Variants in EIF2B3 observed in about 807,000 individuals in gnomAD.
EIF2B3 encodes translation initiation factor eIF2B subunit gamma.
In EIF2B3, 20 loss-of-function variants were observed where a neutral mutation model predicts 54.1. The observed-to-expected ratio is 0.37, with a 90% confidence interval of 0.26 to 0.54. The LOEUF (loss-of-function observed/expected upper bound fraction) is 0.54. EIF2B3 is among the 20% of genes least tolerant of loss of function. The pLI is 0.86. For synonymous variants in EIF2B3, 153 were observed against 188.1 expected, an observed-to-expected ratio of 0.81 and a Z score of 1.52; for missense variants, 448 against 547.8, an observed-to-expected ratio of 0.82 and a Z score of 1.82.
intron 10 of EIF2B3, among the ~76,000 whole-genome samples, chr1:44,872,732 C>T (rs191094397): frequency 2.4e-3 from 364 of 152,258 alleles, no homozygotes; most frequent in Non-Finnish European, 4.2e-3. Context: ...AGATTCAGCT[C>T]AAGGGTCATT....
At chr1:44,861,290 T>A (rs1211993621) in intron 10 of EIF2B3, among the ~76,000 whole-genome samples, 1 of 152,194 alleles carries the variant, frequency 6.6e-6, no homozygotes, top group East Asian at 1.9e-4. Context: ...ATAGAAAGCT[T>A]TAGATACAGA....
chr1:44,888,700 T>C (rs985427653), intron 6 of EIF2B3, among the ~76,000 whole-genome samples: 1 of 152,168 alleles, frequency 6.6e-6, no homozygotes, highest in South Asian at 2.1e-4. Context: ...CATAAACTGC[T>C]CAAGACGGCC....
chr1:44,956,371 G>C (rs1644225079), intron 3 of EIF2B3, among the ~76,000 whole-genome samples: 3 of 152,002 alleles, frequency 2.0e-5, no homozygotes, highest in Admixed American at 2.0e-4. Flanking sequence ...TCGGGGGGTG[G>C]GGGGACTAGG....
intron 10 of EIF2B3, among the ~76,000 whole-genome samples, chr1:44,874,213 CTA>C (rs1224564152): frequency 6.6e-6 from 1 of 152,070 alleles, no homozygotes; most frequent in Non-Finnish European, 1.5e-5. Flanking sequence ...GTTGTTTTTT[CTA>C]TGTTATCCCC....
intron 3 of EIF2B3, among the ~76,000 whole-genome samples, chr1:44,954,713 A>C (rs557538759): frequency 6.5e-4 from 99 of 152,184 alleles, no homozygotes; most frequent in Non-Finnish European, 1.3e-3. Flanking sequence ...GAATACCTTT[A>C]TTTCTTTCTC....
rs182012510 is a variant in EIF2B3 at position 44,899,995 on chromosome 1, T to C, written c.567-2551A>G. 3.8e-3 allele frequency among the ~76,000 whole-genome samples: 572 copies of C among 152,314 alleles called. 4 individuals are homozygous for C. The highest frequency in any genetic ancestry group is 0.013 in the African/African-American group (541 of 41,568). On this transcript the variant is annotated intron_variant, in intron 5 of 11. Transcript: ENST00000360403. ...GTGCAATATATATCATGAAATACTA[T>C]GCAGCTATAAAAAAGAACAAAATCA...
At chr1:44,895,528 CTATA>C (rs962144621) in intron 6 of EIF2B3, among the ~76,000 whole-genome samples, 2 of 149,192 alleles carry the variant, frequency 1.3e-5, no homozygotes, top group African/African-American at 2.5e-5. Flanking sequence ...CTCTCTCTCT[CTATA>C]TATATATATG....
chr1:44,916,113 A>G (rs1643617717), intron 5 of EIF2B3, among the ~76,000 whole-genome samples: 1 of 152,216 alleles, frequency 6.6e-6, no homozygotes, highest in Non-Finnish European at 1.5e-5. Context: ...TTCTGCAACC[A>G]TAATTCCTAT....
At chr1:44,940,311 TA>T (rs1644005482) in intron 4 of EIF2B3, among the ~76,000 whole-genome samples, 1 of 152,048 alleles carries the variant, frequency 6.6e-6, no homozygotes, top group Admixed American at 6.6e-5. Context: ...AAGCAAAACC[TA>T]AAGAATACAT....
chr1:44,929,555 A>G (rs1643879315), intron 4 of EIF2B3, among the ~76,000 whole-genome samples: 1 of 152,254 alleles, frequency 6.6e-6, no homozygotes, highest in African/African-American at 2.4e-5. Flanking sequence ...TAAATTTTGC[A>G]GAGAATTTCA....
intron 10 of EIF2B3, among the ~76,000 whole-genome samples, chr1:44,861,785 G>A (rs2148895094): frequency 6.6e-6 from 1 of 152,252 alleles, no homozygotes; most frequent in South Asian, 2.1e-4. Context: ...TGAGGCTCCT[G>A]GTAAGTGGAT....
chr1:44,959,302 A>G (rs1158209736), intron 3 of EIF2B3: 6 of 643,800 alleles, frequency 9.3e-6, no homozygotes, highest in African/African-American at 3.6e-5. Context: ...ACCTGAAACC[A>G]GCAACAGCTT....
chr1:44,927,502 C>A (rs1276169883), intron 4 of EIF2B3, among the ~76,000 whole-genome samples: 2 of 152,020 alleles, frequency 1.3e-5, no homozygotes, highest in Non-Finnish European at 2.9e-5. Flanking sequence ...CCCACCAGGC[C>A]CTACCTCCAA....
intron 10 of EIF2B3, 86 bp downstream of exon 10, chr1:44,874,592 T>C: frequency 6.7e-7 from 1 of 1,495,310 alleles, no homozygotes; most frequent in Non-Finnish European, 9.2e-7. Flanking sequence ...GGGTATACAA[T>C]TTTAGGTTAA....
intron 3 of EIF2B3, among the ~76,000 whole-genome samples, chr1:44,976,251 TA>T (rs1644452147): frequency 1.3e-5 from 2 of 152,098 alleles, no homozygotes; most frequent in South Asian, 4.1e-4. Flanking sequence ...CTATAATCAA[TA>T]ATGGAAAGGC....
intron 5 of EIF2B3, among the ~76,000 whole-genome samples, chr1:44,913,109 TAAAAAAA>T (rs552977811): frequency 6.7e-4 from 69 of 103,280 alleles, no homozygotes; most frequent in Middle Eastern, 0.014. Context: ...CGGTTTTTGT[TAAAAAAA>T]AAAAAAAAAA....
At chr1:44,944,636 A>G (rs1254095887) in intron 3 of EIF2B3, among the ~76,000 whole-genome samples, 1 of 152,174 alleles carries the variant, frequency 6.6e-6, no homozygotes, top group Non-Finnish European at 1.5e-5. Flanking sequence ...CTAAAAATAC[A>G]TAAAACATTT....
chr1:44,875,936 C>T (rs528481790), intron 8 of EIF2B3, among the ~76,000 whole-genome samples: 2 of 152,378 alleles, frequency 1.3e-5, no homozygotes, highest in Admixed American at 6.5e-5. Flanking sequence ...AGGCGCGCGC[C>T]GCCACGCCTG....
intron 8 of EIF2B3, among the ~76,000 whole-genome samples, chr1:44,879,031 G>T (rs1655294332): frequency 6.6e-6 from 1 of 152,058 alleles, no homozygotes; most frequent in Admixed American, 6.6e-5. Flanking sequence ...AAATTGCTAG[G>T]ATTATAGGCG....
Sources: allele counts gnomAD v4.1 joint callset (sites outside exome capture counted in the v4.1 genomes callset), GRCh38; gene constraint gnomAD v4.1.1; transcripts MANE v1.5; gene names NCBI Gene and HGNC (gene_info 2026-07-23, HGNC 2026-07-21).